PLAC1: variants seen among roughly 807,000 people sequenced by gnomAD.
The protein encoded by PLAC1 is placenta associated 1, also known as placenta-specific protein 1.
For missense variants in PLAC1, 136 were observed against 163.2 expected, an observed-to-expected ratio of 0.83 and a Z score of 0.91; for synonymous variants, 68 against 62.1, an observed-to-expected ratio of 1.09 and a Z score of -0.44.
chrX:134,708,465 A>G (rs1421711312), intron 2 of PLAC1, among the ~76,000 whole-genome samples: 8 of 105,400 alleles, frequency 7.6e-5, no homozygotes, highest in Admixed American at 7.1e-4. Flanking sequence ...GGTTAGAGAT[A>G]GGGTGGGGTG....
At chrX:134,675,347 C>A (rs945975293) in intron 2 of PLAC1, among the ~76,000 whole-genome samples, 43 of 112,718 alleles carry the variant, frequency 3.8e-4, no homozygotes, top group African/African-American at 1.2e-3. Context: ...CCCCAAACAT[C>A]TCTAACCACG....
chrX:134,756,401 A>T (rs2078757313), intron 1 of PLAC1, among the ~76,000 whole-genome samples: 1 of 108,179 alleles, frequency 9.2e-6, no homozygotes, highest in Admixed American at 9.9e-5. Flanking sequence ...TATTTTTTAA[A>T]TATTTTATAT....
intron 2 of PLAC1, among the ~76,000 whole-genome samples, chrX:134,570,158 T>C (rs1173597720): frequency 9.0e-6 from 1 of 111,700 alleles, no homozygotes; most frequent in Non-Finnish European, 1.9e-5. Flanking sequence ...TTATAAGTCA[T>C]TCACAACACA....
intron 2 of PLAC1, among the ~76,000 whole-genome samples, chrX:134,675,665 CAAAA>C (rs745755595): frequency 2.5e-5 from 2 of 80,998 alleles, no homozygotes; most frequent in African/African-American, 9.1e-5. Flanking sequence ...AACTCCATCT[CAAAA>C]AAAAAAAAAA....
chrX:134,748,003 C>T (rs973537216), intron 1 of PLAC1, among the ~76,000 whole-genome samples: 3 of 112,035 alleles, frequency 2.7e-5, no homozygotes, highest in African/African-American at 9.7e-5. Context: ...GCCAGGTTCT[C>T]TCTGTGCTAT....
At chrX:134,578,526 T>TC (rs1289535213) in intron 2 of PLAC1, among the ~76,000 whole-genome samples, 3 of 96,760 alleles carry the variant, frequency 3.1e-5, no homozygotes, top group African/African-American at 1.1e-4. Context: ...TTTTTTTTTT[T>TC]TTTTTTTTTT....
intron 2 of PLAC1, among the ~76,000 whole-genome samples, chrX:134,722,916 C>A (rs2078662501): frequency 9.2e-6 from 1 of 108,283 alleles, no homozygotes; most frequent in Non-Finnish European, 1.9e-5. Flanking sequence ...GAGGCTAAGG[C>A]AGGAGGACTG....
chrX:134,592,721 T>TAA, intron 2 of PLAC1, among the ~76,000 whole-genome samples: 1 of 20,026 alleles, frequency 5.0e-5, no homozygotes, highest in African/African-American at 1.7e-4. Context: ...TCTGTGTCTC[T>TAA]TTTTTTTTTT....
intron 1 of PLAC1, among the ~76,000 whole-genome samples, chrX:134,606,738 A>T (rs956584511): frequency 8.9e-6 from 1 of 112,433 alleles, no homozygotes; most frequent in African/African-American, 3.2e-5. Context: ...AAATCATTAT[A>T]TGACAAAGAT....
chrX:134,745,681 G>C (rs933139143), intron 1 of PLAC1, among the ~76,000 whole-genome samples: 3 of 111,716 alleles, frequency 2.7e-5, no homozygotes, highest in Admixed American at 9.5e-5. Flanking sequence ...GGAAAAACAG[G>C]GTCCTTTTCT....
At chrX:134,696,374 G>T in intron 2 of PLAC1, among the ~76,000 whole-genome samples, 1 of 111,756 alleles carries the variant, frequency 8.9e-6, no homozygotes, top group Non-Finnish European at 1.9e-5. Flanking sequence ...GATAGAGAGA[G>T]ATTAGGCAAA....
At chrX:134,635,324 T>G (rs1371025206) in intron 1 of PLAC1, among the ~76,000 whole-genome samples, 5 of 110,877 alleles carry the variant, frequency 4.5e-5, no homozygotes, top group African/African-American at 1.6e-4. Flanking sequence ...AATGCTATAT[T>G]TCATTCACAT....
At chrX:134,730,605 C>T (rs1448274649) in intron 2 of PLAC1, among the ~76,000 whole-genome samples, 2 of 110,655 alleles carry the variant, frequency 1.8e-5, no homozygotes, top group Non-Finnish European at 3.8e-5. Context: ...CCACTATGCC[C>T]AGCTAATTTT....
Position 134,630,002 on chromosome X carries a change from G to A in PLAC1, c.-130-27880C>T, listed in dbSNP as rs1056083377. 4.4e-3 allele frequency among the ~76,000 whole-genome samples: 355 copies of A among 81,038 alleles called. 3 individuals are homozygous for A. The highest frequency in any genetic ancestry group is 5.0e-3 in the Non-Finnish European group (226 of 44,837). The allele number at this position is 81,038 out of a possible 115,157, so 70.4% of individuals were successfully genotyped here. On this transcript the variant is annotated intron_variant, in intron 1 of 2. Coordinates refer to ENST00000359237, the MANE Select transcript of PLAC1 (RefSeq NM_021796.4). ...TTTTTTTTTTTTGAGACAGAGTTTCGCTCTTGTTGCCCAGGCTGGAGTGCA... is the reference window on the plus strand; with the variant it reads ...TTTTTTTTTTTTGAGACAGAGTTTCACTCTTGTTGCCCAGGCTGGAGTGCA...
At chrX:134,704,890 G>T (rs1319239916) in intron 2 of PLAC1, among the ~76,000 whole-genome samples, 1 of 101,474 alleles carries the variant, frequency 9.9e-6, no homozygotes, top group Non-Finnish European at 2.0e-5. Context: ...CTACTCAGGA[G>T]GCTGAGGCAG....
intron 1 of PLAC1, among the ~76,000 whole-genome samples, chrX:134,754,758 CTTTTTTTTT>C (rs760098539): frequency 4.5e-5 from 3 of 66,164 alleles, no homozygotes; most frequent in African/African-American, 1.2e-4. Context: ...ATTTATTGTT[CTTTTTTTTT>C]TTTTTTTTTT....
intron 2 of PLAC1, among the ~76,000 whole-genome samples, chrX:134,677,273 T>G (rs1456910256): frequency 8.9e-6 from 1 of 112,335 alleles, no homozygotes; most frequent in African/African-American, 3.2e-5. Context: ...CTGTACTAGC[T>G]GCTGAGGTCA....
At chrX:134,666,581 A>G (rs935793613) in intron 2 of PLAC1, among the ~76,000 whole-genome samples, 10 of 111,503 alleles carry the variant, frequency 9.0e-5, no homozygotes, top group African/African-American at 2.9e-4. Context: ...TAAACTCATG[A>G]CGGCATGCTC....
At chrX:134,753,877 G>GA (rs1379595862) in intron 1 of PLAC1, among the ~76,000 whole-genome samples, 1 of 111,584 alleles carries the variant, frequency 9.0e-6, no homozygotes, top group African/African-American at 3.3e-5. Context: ...CTCGACTCGG[G>GA]AGTCTCAAAC....
Sources: gnomAD v4.1 joint callset for allele counts (sites outside exome capture counted in the v4.1 genomes callset) on GRCh38, gnomAD v4.1.1 for gene constraint, MANE v1.5 for transcripts, NCBI Gene and HGNC (gene_info 2026-07-23, HGNC 2026-07-21) for gene names.